The following PDZD2 variants were observed in gnomAD, a reference collection of about 807,000 sequenced individuals.
PDZD2 encodes the protein PDZ domain-containing protein 2.
Under a neutral mutation model 220.7 loss-of-function variants are expected in PDZD2, and 90 were observed. The observed-to-expected ratio is 0.41, with a 90% CI of 0.34 to 0.49. The LOEUF (loss-of-function observed/expected upper bound fraction) is 0.49, where lower values mean the gene tolerates loss of function less well. Ranked by LOEUF, PDZD2 falls within the 20% of genes least tolerant of loss-of-function variation. PDZD2 has a pLI of 0.28. For missense variants in PDZD2, 3,174 were observed against 3,608.5 expected (o/e 0.88, Z 3.08); for synonymous variants, 1,375 against 1,450.5 (o/e 0.95, Z 1.18).
intron 1 of PDZD2, among the ~76,000 whole-genome samples, chr5:31,792,264 G>A (rs779221122): frequency 6.6e-6 from 1 of 152,154 alleles, no homozygotes; most frequent in African/African-American, 2.4e-5. Flanking sequence ...TATAGTTCAG[G>A]GGGGCAAGGT....
At chr5:31,750,970 C>T (rs1429402287) in intron 1 of PDZD2, among the ~76,000 whole-genome samples, 5 of 152,056 alleles carry the variant, frequency 3.3e-5, no homozygotes, top group South Asian at 2.1e-4. Flanking sequence ...GGGCCAGGCA[C>T]GGTGGCTCAT....
At chr5:31,677,228 C>G (rs1032484758) in intron 1 of PDZD2, among the ~76,000 whole-genome samples, 2 of 152,198 alleles carry the variant, frequency 1.3e-5, no homozygotes, top group South Asian at 2.1e-4. Flanking sequence ...GTCCTGCCCT[C>G]CCTAGCCTTG....
intron 1 of PDZD2, among the ~76,000 whole-genome samples, chr5:31,758,447 C>T (rs61599534): frequency 0.068 from 10,287 of 152,212 alleles, 749 homozygotes; most frequent in African/African-American, 0.18. Context: ...CAAAGGAGCA[C>T]GTCCAGGCCC....
chr5:32,107,367 C>G (rs116113118), intron 24 of PDZD2: 3 of 152,014 alleles, frequency 2.0e-5, no homozygotes, highest in Non-Finnish European at 2.9e-5. Flanking sequence ...ACAGCCTGGG[C>G]AACATGGCAA....
intron 1 of PDZD2, among the ~76,000 whole-genome samples, chr5:31,756,058 A>C (rs916545377): frequency 6.6e-6 from 1 of 152,170 alleles, no homozygotes; most frequent in Non-Finnish European, 1.5e-5. Context: ...TTAGACCTCC[A>C]GAAATGCCTG....
At chr5:32,012,253 T>A (rs1273489819) in intron 6 of PDZD2, among the ~76,000 whole-genome samples, 3 of 152,168 alleles carry the variant, frequency 2.0e-5, no homozygotes, top group African/African-American at 7.2e-5. Context: ...GAAAGCTAAG[T>A]AAGCCCTGGG....
chr5:31,821,570 G>A (rs1481311497), intron 2 of PDZD2, among the ~76,000 whole-genome samples: 6 of 151,920 alleles, frequency 3.9e-5, no homozygotes, highest in South Asian at 4.2e-4. Context: ...TAGTAGAGAC[G>A]GGGTTTCACC....
At chr5:31,731,143 C>T (rs942819243) in intron 1 of PDZD2, among the ~76,000 whole-genome samples, 1 of 152,126 alleles carries the variant, frequency 6.6e-6, no homozygotes, top group Non-Finnish European at 1.5e-5. Context: ...GCTAAAGAGC[C>T]TTTTCAGGGT....
At chr5:31,808,746 G>T (rs149592347) in intron 2 of PDZD2, among the ~76,000 whole-genome samples, 1 of 152,130 alleles carries the variant, frequency 6.6e-6, no homozygotes, top group African/African-American at 2.4e-5. Flanking sequence ...GGAGGCTGAG[G>T]CGGGTGGATC....
chr5:31,936,076 T>G, intron 2 of PDZD2: 1 of 987,066 alleles, frequency 1.0e-6, no homozygotes, highest in Non-Finnish European at 1.2e-6. Flanking sequence ...ATGATCTGAG[T>G]GCTGTGGGTG....
At chr5:31,958,008 T>G (rs1401969195) in intron 2 of PDZD2, among the ~76,000 whole-genome samples, 1 of 152,180 alleles carries the variant, frequency 6.6e-6, no homozygotes, top group Admixed American at 6.5e-5. Flanking sequence ...CCAGAAATTT[T>G]ATACCATTTA....
At chr5:31,683,207 T>TAAAAAAAAAAAAAAA (rs35467814) in intron 1 of PDZD2, among the ~76,000 whole-genome samples, 1 of 129,038 alleles carries the variant, frequency 7.7e-6, no homozygotes, top group Non-Finnish European at 1.6e-5. Flanking sequence ...ATCAGAATGT[T>TAAAAAAAAAAAAAAA]AAAAAAAAAA....
chr5:32,045,959 T>TTTA (rs1442828662), intron 7 of PDZD2, among the ~76,000 whole-genome samples: 1 of 152,168 alleles, frequency 6.6e-6, no homozygotes, highest in Non-Finnish European at 1.5e-5. Context: ...CAGAGTAATA[T>TTTA]TTAGGTAAAT....
intron 21 of PDZD2, among the ~76,000 whole-genome samples, chr5:32,095,403 A>G (rs538580863): frequency 6.6e-6 from 1 of 152,174 alleles, no homozygotes; most frequent in East Asian, 1.9e-4. Context: ...GCTTTTTCCA[A>G]TGAGTATGGT....
intron 1 of PDZD2, among the ~76,000 whole-genome samples, chr5:31,657,592 A>G (rs1489482480): frequency 6.6e-6 from 1 of 152,190 alleles, no homozygotes; most frequent in Non-Finnish European, 1.5e-5. Flanking sequence ...GGCTCAAGTG[A>G]AGGTCCTGCA....
chr5:31,725,507 A>T, intron 1 of PDZD2: 1 of 1,286,890 alleles, frequency 7.8e-7, no homozygotes, highest in Non-Finnish European at 1.1e-6. Flanking sequence ...TCCATGTCTA[A>T]AAATGATCAT....
At position 31,995,644 on chromosome 5, in the gene PDZD2, T is replaced by G; in HGVS notation, c.1047T>G (p.Ser349Arg). ...CGGATGGGCTGGGAATTCAGGTTAG[T>G]GGAGGCCGAGGATCAAAGCGCTCAC... ...KESDGLGIQV[S>R]GGRGSKRSPH... The change falls in exon 4 of 25, where the codon AGT becomes AGG. Residue 349 changes from serine (S) to arginine (R), a missense_variant. Transcript: ENST00000438447. 1 of 1,614,114 alleles carries G rather than the reference T, an allele frequency of 6.2e-7. No individual in the cohort carries two copies. Among genetic ancestry groups the G allele is most frequent in the Non-Finnish European group, 8.5e-7 (1 of 1,180,026 alleles).
At chr5:31,707,115 G>C (rs1580595047) in intron 1 of PDZD2, among the ~76,000 whole-genome samples, 2 of 128,494 alleles carry the variant, frequency 1.6e-5, no homozygotes, top group African/African-American at 5.9e-5. Flanking sequence ...AGAACACTTG[G>C]ACACAGGAAG....
chr5:32,072,143 T>C lies in PDZD2; in HGVS notation c.2569-18T>C, dbSNP rs370360010. The C allele has an allele frequency of 5.2e-5, 83 of 1,582,542 alleles. No individual in the cohort carries two copies. The African/African-American group carries it at 1.0e-3, about 19-fold the overall frequency. On this transcript the variant is annotated intron_variant, in intron 16 of 24. Coordinates refer to ENST00000438447, the MANE Select transcript of PDZD2 (RefSeq NM_178140.4). ...CTGCTGTGTTTTCTTAGTTATCGGA[T>C]GTTTTCTTCTTCAACAGGACTCCCT...
Sources: gnomAD v4.1 joint callset for allele counts (sites outside exome capture counted in the v4.1 genomes callset) on GRCh38, gnomAD v4.1.1 for gene constraint, MANE v1.5 for transcripts, NCBI Gene and HGNC (gene_info 2026-07-23, HGNC 2026-07-21) for gene names.